CARMIL1: variants seen among roughly 807,000 people sequenced by gnomAD.
CARMIL1 encodes the protein F-actin-uncapping protein LRRC16A.
Under a neutral mutation model 177.1 loss-of-function variants are expected in CARMIL1, and 90 were observed. That is an observed-to-expected ratio of 0.51 (90% CI 0.43 to 0.61). CARMIL1 has a LOEUF of 0.61. Ranked by LOEUF, CARMIL1 falls within the 20% of genes least tolerant of loss-of-function variation. CARMIL1 has a pLI of 0.00. For synonymous variants in CARMIL1, 577 were observed against 606.2 expected (o/e 0.95, Z 0.71); for missense variants, 1,380 against 1,667.0 (o/e 0.83, Z 3.00).
chr6:25,306,326 C>G (rs75642877), intron 2 of CARMIL1, among the ~76,000 whole-genome samples: 1,692 of 152,222 alleles, frequency 0.011, 38 homozygotes, highest in African/African-American at 0.038. Flanking sequence ...TGAGCATTAC[C>G]GCCTGAGTTC....
chr6:25,371,796 A>G (rs1790452139), intron 2 of CARMIL1, among the ~76,000 whole-genome samples: 1 of 151,840 alleles, frequency 6.6e-6, no homozygotes, highest in Admixed American at 6.6e-5. Flanking sequence ...TTTTTCTTGC[A>G]TTTGCTTTTG....
intron 2 of CARMIL1, among the ~76,000 whole-genome samples, chr6:25,334,938 G>A (rs1357317316): frequency 6.6e-6 from 1 of 152,146 alleles, no homozygotes; most frequent in Non-Finnish European, 1.5e-5. Context: ...TGAAACCATA[G>A]GCCCTTCACA....
chr6:25,430,407 G>T (rs1796644035), intron 4 of CARMIL1, among the ~76,000 whole-genome samples: 1 of 149,566 alleles, frequency 6.7e-6, no homozygotes, highest in South Asian at 2.1e-4. Context: ...AATTATTTGG[G>T]CCTTGAGTTT....
At chr6:25,528,918 TCTC>T (rs778387659) in intron 24 of CARMIL1, 25 bp downstream of exon 24, 28 of 1,556,098 alleles carry the variant, frequency 1.8e-5, no homozygotes, top group Admixed American at 5.3e-5. Flanking sequence ...GCCTGTGACT[TCTC>T]CTTCTATTCT....
At chr6:25,375,547 G>A (rs1319926690) in intron 2 of CARMIL1, among the ~76,000 whole-genome samples, 1 of 152,146 alleles carries the variant, frequency 6.6e-6, no homozygotes, top group Non-Finnish European at 1.5e-5. Context: ...AGCAAGGCCA[G>A]GGAAATTTTT....
chr6:25,318,317 A>G (rs967037723), intron 2 of CARMIL1, among the ~76,000 whole-genome samples: 14 of 152,106 alleles, frequency 9.2e-5, no homozygotes, highest in Admixed American at 7.9e-4. Context: ...ACTGGGGACA[A>G]AGCGGACTGA....
Position 25,390,221 on chromosome 6 carries a change from A to G in CARMIL1, c.139-29893A>G, listed in dbSNP as rs186425708. ...TCTCTTAAGCCTCTGGAATATGGCTATTATTGACATTACCTGGTAATTTTT... is the reference window on the plus strand; with the variant it reads ...TCTCTTAAGCCTCTGGAATATGGCTGTTATTGACATTACCTGGTAATTTTT... On this transcript the variant is annotated intron_variant, in intron 2 of 36. Transcript: ENST00000329474. 1.2e-3 allele frequency among the ~76,000 whole-genome samples: 184 copies of G among 149,836 alleles called. 3 individuals carry two copies. The highest frequency in any genetic ancestry group is 4.3e-3 in the African/African-American group (178 of 40,922).
rs1357774240 is a variant in CARMIL1 at position 25,472,341 on chromosome 6, G to A, written c.780-86G>A. ...ATTGTAAGGGAGGTTTCTCTATTTA[G>A]ATTTCACTCTGTTCTAAGCTTTAAA... On this transcript the variant is annotated intron_variant, in intron 10 of 36. Coordinates refer to ENST00000329474, the MANE Select transcript of CARMIL1 (RefSeq NM_017640.6). 5.8e-5 allele frequency: 53 copies of A among 916,454 alleles called. 1 individual carries two copies. The highest frequency in any genetic ancestry group is 8.8e-5 in the Non-Finnish European group (51 of 581,742). The allele number at this position is 916,454 out of a possible 1,614,324, so 56.8% of individuals were successfully genotyped here.
At chr6:25,394,611 CA>C (rs1442661863) in intron 2 of CARMIL1, among the ~76,000 whole-genome samples, 3 of 152,156 alleles carry the variant, frequency 2.0e-5, no homozygotes, top group Non-Finnish European at 4.4e-5. Context: ...TGGGTTTGTG[CA>C]AGTGGTTAAG....
rs1222322240 is a variant in CARMIL1 at position 25,586,098 on chromosome 6, G to GC, written c.3006+4665dup. 9.7e-4 allele frequency among the ~76,000 whole-genome samples: 140 copies of GC among 143,658 alleles called. 2 individuals carry two copies. The highest frequency in any genetic ancestry group is 2.2e-3 in the African/African-American group (82 of 36,848). The allele number at this position is 143,658 out of a possible 152,430, so 94.2% of individuals were successfully genotyped here. A position where few individuals can be genotyped will look rare whatever the true frequency, so the allele number is the denominator to read the frequency against. ...GACGGGGTGGCGGCCAGGCAGAGGC[G>GC]CCCCCCATCTCCCTAACGGGACGGC... On this transcript the variant is annotated intron_variant, in intron 31 of 36. Transcript: ENST00000329474.
In CARMIL1 at chr6:25,558,233, C is replaced by T. The variant is rs1398562711; in HGVS notation, c.2742+1383C>T. On this transcript the variant is annotated intron_variant, in intron 29 of 36. Transcript: ENST00000329474. The surrounding 1 kb of genome is among the most constrained non-coding windows in gnomAD (Gnocchi z 4.1). ...TTGAATTAAAAATTTGAAATCAACT[C>T]CACATACCACGTTTCCTACCAGATT... Among the ~76,000 whole-genome samples, 1 of 152,118 alleles carries T rather than the reference C, an allele frequency of 6.6e-6. No homozygotes were observed. Among genetic ancestry groups the T allele is most frequent in the Non-Finnish European group, 1.5e-5 (1 of 68,026 alleles).
intron 24 of CARMIL1, among the ~76,000 whole-genome samples, chr6:25,534,492 G>A (rs545594829): frequency 8.6e-5 from 13 of 151,076 alleles, no homozygotes; most frequent in East Asian, 7.8e-4. Context: ...TTCTCAATCC[G>A]TACAAATCTT....
chr6:25,540,130 A>T (rs1808745163), intron 26 of CARMIL1, 52 bp downstream of exon 26: 5 of 1,494,586 alleles, frequency 3.3e-6, no homozygotes, highest in Non-Finnish European at 4.5e-6. Flanking sequence ...TTAACTACGC[A>T]TGATAGCATT....
At chr6:25,393,959 C>T (rs1179682581) in intron 2 of CARMIL1, among the ~76,000 whole-genome samples, 1 of 152,076 alleles carries the variant, frequency 6.6e-6, no homozygotes, top group Non-Finnish European at 1.5e-5. Flanking sequence ...CGCTAAGTTC[C>T]CTTTTCTTTT....
chr6:25,614,612 G>A (rs943542143), intron 36 of CARMIL1, among the ~76,000 whole-genome samples: 2 of 152,114 alleles, frequency 1.3e-5, no homozygotes, highest in South Asian at 2.1e-4. Flanking sequence ...TTGCATAGAC[G>A]TTTCTGGTTT....
chr6:25,566,939 CCAAGCTG>C (rs1811604954), intron 29 of CARMIL1, among the ~76,000 whole-genome samples: 1 of 152,174 alleles, frequency 6.6e-6, no homozygotes, highest in South Asian at 2.1e-4. Context: ...TTATAGATTA[CCAAGCTG>C]TCAGCAAGTT....
intron 31 of CARMIL1, among the ~76,000 whole-genome samples, chr6:25,589,156 C>T (rs1814064958): frequency 6.6e-6 from 1 of 152,248 alleles, no homozygotes; most frequent in South Asian, 2.1e-4. Flanking sequence ...ATTCCATCCA[C>T]AATGACTTCT....
intron 2 of CARMIL1, among the ~76,000 whole-genome samples, chr6:25,294,352 T>C (rs1352622021): frequency 6.6e-6 from 1 of 152,122 alleles, no homozygotes; most frequent in Non-Finnish European, 1.5e-5. Flanking sequence ...TCAAACAGAC[T>C]CTGGGGAAAT....
intron 2 of CARMIL1, among the ~76,000 whole-genome samples, chr6:25,402,405 A>G (rs2328884): frequency 0.44 from 67,425 of 152,054 alleles, 15,237 homozygotes; most frequent in Middle Eastern, 0.59. Context: ...AAAAACTGCT[A>G]AGACCAAGCC....
Sources: allele counts gnomAD v4.1 joint callset (sites outside exome capture counted in the v4.1 genomes callset), GRCh38; gene constraint gnomAD v4.1.1; non-coding constraint Gnocchi (gnomAD v3.1); transcripts MANE v1.5; gene names NCBI Gene and HGNC (gene_info 2026-07-23, HGNC 2026-07-21).